Variants in REM2 observed in about 807,000 individuals in gnomAD.
REM2 encodes GTP-binding protein REM 2.
A neutral mutation model predicts 24.4 loss-of-function variants in REM2; 24 were observed. The ratio of observed to expected loss-of-function variants is 0.98; its 90% CI spans 0.71 to 1.38. REM2 has a LOEUF of 1.38. Ranked by LOEUF, REM2 falls within the 40% of genes most tolerant of loss-of-function variation. REM2 has a pLI of 0.00. For synonymous variants in REM2, 187 were observed against 198.0 expected (o/e 0.94, Z 0.47); for missense variants, 429 against 467.8 (o/e 0.92, Z 0.77).
In REM2 at chr14:22,886,541, G is replaced by A. The variant is rs2040130281; in HGVS notation, c.728-73G>A. On this transcript the variant is annotated intron_variant, in intron 4 of 4. Transcript: ENST00000267396. This position sits in a 1 kb window ranked among gnomAD's most constrained non-coding sequence, Gnocchi z 5.9. ...CAATCCCTTGCCACCGCACGCCCAG[G>A]CCCTCCCTAGACCCACCCTCGCCCC... 2 of 1,350,026 alleles carry A rather than the reference G, an allele frequency of 1.5e-6. No individual in the cohort carries two copies. Among genetic ancestry groups the A allele is most frequent in the Non-Finnish European group, 2.0e-6 (2 of 1,018,042 alleles). 83.6% of individuals were successfully genotyped at this position (1,350,026 alleles called of 1,614,324 possible).
In REM2 at chr14:22,887,203, A is replaced by G. The variant is rs1293386192; in HGVS notation, c.*294A>G. 2 of 349,152 alleles carry G rather than the reference A, an allele frequency of 5.7e-6. No homozygotes were observed. Among genetic ancestry groups the G allele is most frequent in the Admixed American group, 9.4e-5 (2 of 21,216 alleles). 21.6% of individuals were successfully genotyped at this position (349,152 alleles called of 1,614,324 possible). A position where few individuals can be genotyped will look rare whatever the true frequency, so the allele number is the denominator to read the frequency against. On this transcript the variant is annotated 3_prime_UTR_variant, in exon 5 of 5. Transcript: ENST00000267396. ...GGGTTCTGCTGGGTCGGGAAGAAAAATAATTCTGCAAGGTATTTTGTTTTT... is the reference window on the plus strand; with the variant it reads ...GGGTTCTGCTGGGTCGGGAAGAAAAGTAATTCTGCAAGGTATTTTGTTTTT...
At chr14:22,885,923 G>C in intron 3 of REM2, 101 bp from the exon 4 acceptor site, 1 of 903,400 alleles carries the variant, frequency 1.1e-6, no homozygotes, top group Non-Finnish European at 1.8e-6. Context: ...TAAGCAGGTG[G>C]CTTCTTTCTG....
chr14:22,886,339 G>T lies in REM2; in HGVS notation c.727+108G>T. ...TTTACCATCGCGGACGCACTCACTT[G>T]CAATCAGACCCAGGCTAGGGGGACA... is the stretch of plus-strand genomic sequence containing the variant. On this transcript the variant is annotated intron_variant, in intron 4 of 4. Coordinates refer to ENST00000267396, the MANE Select transcript of REM2 (RefSeq NM_173527.3). This position sits in a 1 kb window ranked among gnomAD's most constrained non-coding sequence, Gnocchi z 5.9. The T allele has an allele frequency of 9.7e-7, 1 of 1,033,576 alleles. No individual in the cohort carries two copies. Among genetic ancestry groups the T allele is most frequent in the Admixed American group, 2.0e-5 (1 of 49,112 alleles). The allele number at this position is 1,033,576 out of a possible 1,614,324, so 64.0% of individuals were successfully genotyped here. A position where few individuals can be genotyped will look rare whatever the true frequency, so the allele number is the denominator to read the frequency against.
rs983779147 is a variant in REM2, at chr14:22,886,398, C to T, written c.727+167C>T. The T allele has an allele frequency of 1.3e-6, 1 of 756,928 alleles. No individual in the cohort carries two copies. Among genetic ancestry groups the T allele is most frequent in the African/African-American group, 1.7e-5 (1 of 57,448 alleles). The allele number at this position is 756,928 out of a possible 1,614,324, so 46.9% of individuals were successfully genotyped here. On this transcript the variant is annotated intron_variant, in intron 4 of 4. Transcript: ENST00000267396. The surrounding 1 kb of genome is among the most constrained non-coding windows in gnomAD (Gnocchi z 5.9). ...GCCCCACTCGAGGATCCTGAGAATCCCTTCTTGTCACTTCCCCTCACCTCT... is the reference window on the plus strand; with the variant it reads ...GCCCCACTCGAGGATCCTGAGAATCTCTTCTTGTCACTTCCCCTCACCTCT...
rs1472572941 is a variant in REM2, at chr14:22,886,733, C to G, written c.847C>G (p.Arg283Gly). 6.5e-7 allele frequency: 1 copy of G among 1,527,338 alleles called. No homozygotes were observed. Among genetic ancestry groups the G allele is most frequent in the Non-Finnish European group, 8.8e-7 (1 of 1,137,746 alleles). The allele number at this position is 1,527,338 out of a possible 1,614,324, so 94.6% of individuals were successfully genotyped here. A position where few individuals can be genotyped will look rare whatever the true frequency, so the allele number is the denominator to read the frequency against. The stretch of plus-strand genomic sequence containing the variant: ...GCGCCAGATCCGGCTGCGGCGGGGC[C>G]GAAACCACGCCGGAGGCCAGAGGCC... ...AVRQIRLRRG[R>G]NHAGGQRPDP... Residue 283 changes from arginine to glycine, a missense_variant, in exon 5 of 5, where the codon CGA becomes GGA. Transcript: ENST00000267396. The surrounding 1 kb of genome is among the most constrained non-coding windows in gnomAD (Gnocchi z 5.9).
intron 2 of REM2, 50 bp downstream of exon 2, chr14:22,885,065 AG>A: frequency 1.3e-6 from 2 of 1,504,812 alleles, no homozygotes; most frequent in African/African-American, 1.4e-5. Context: ...GGCCCTGGTC[AG>A]GGAAGGAAGT....
rs1172779983 is a variant in REM2, at chr14:22,886,045, C to T, written c.541C>T (p.Arg181Trp). 2 of 1,613,858 alleles carry T rather than the reference C, an allele frequency of 1.2e-6. No homozygotes were observed. Among genetic ancestry groups the T allele is most frequent in the Non-Finnish European group, 1.7e-6 (2 of 1,179,810 alleles). ...WEQGDAGGWL[R>W]DHCLQTGDAF... ...GCAGGGGGATGCAGGAGGGTGGCTG[C>T]GGGACCACTGCCTTCAGACCGGGGA... The change falls in exon 4 of 5, where the codon CGG becomes TGG. Residue 181 changes from arginine (R) to tryptophan (W), a missense_variant. Transcript: ENST00000267396. The surrounding 1 kb of genome is among the most constrained non-coding windows in gnomAD (Gnocchi z 5.9).
rs374573401 is a variant in REM2, at chr14:22,883,360, C to T, written c.73C>T (p.Arg25Trp). Residue 25 changes from arginine to tryptophan, a missense_variant, in exon 1 of 5, where the codon CGG becomes TGG. Transcript: ENST00000267396. ...TTALCPSGSRRASPPGTPTPE... is the reference protein window; with the variant it reads ...TTALCPSGSRWASPPGTPTPE... ...AGCACTCTGCCCCTCTGGCAGCCGC[C>T]GGGCCTCCCCTCCAGGGACGCCCAC... 9.0e-6 allele frequency: 14 copies of T among 1,556,930 alleles called. No homozygotes were observed. The highest frequency in any genetic ancestry group is 4.8e-5 in the East Asian group (2 of 41,244).
rs778730079 is a variant in REM2, at chr14:22,886,003, C to T, written c.520-21C>T. The T allele has an allele frequency of 7.5e-6, 12 of 1,602,774 alleles. No individual in the cohort carries two copies. Among genetic ancestry groups the T allele is most frequent in the South Asian group, 5.5e-5 (5 of 90,808 alleles). On this transcript the variant is annotated intron_variant, in intron 3 of 4. Transcript: ENST00000267396. This position sits in a 1 kb window ranked among gnomAD's most constrained non-coding sequence, Gnocchi z 5.9. ...GGATCTCCTATGCCTCCAGCCCTAACGTTCCTCTGCCTGTCTGCAGGGGGA... is the reference window on the plus strand; with the variant it reads ...GGATCTCCTATGCCTCCAGCCCTAATGTTCCTCTGCCTGTCTGCAGGGGGA...
chr14:22,884,552 T>C lies in REM2; in HGVS notation c.104-122T>C, dbSNP rs1401294927. On this transcript the variant is annotated intron_variant, in intron 1 of 4. Transcript: ENST00000267396. ...GACATTCTCAGTTCCTTCTGGGTAA[T>C]GGTCATCAAGTGGGTGTAGCTGGGC... 2.9e-5 allele frequency: 42 copies of C among 1,445,778 alleles called. 1 individual carries two copies. Among genetic ancestry groups the C allele is most frequent in the Middle Eastern group, 3.7e-4 (2 of 5,426 alleles). 89.6% of individuals were successfully genotyped at this position (1,445,778 alleles called of 1,614,324 possible). A position where few individuals can be genotyped will look rare whatever the true frequency, so the allele number is the denominator to read the frequency against.
Position 22,886,112 on chromosome 14 carries a change from T to C in REM2, c.608T>C (p.Phe203Ser), listed in dbSNP as rs1275676703. Residue 203 changes from phenylalanine (F) to serine (S), a missense_variant, in exon 4 of 5, where the codon TTC becomes TCC. Physicochemically the swap from Phe to Ser is radical, Grantham distance 155. Coordinates refer to ENST00000267396, the MANE Select transcript of REM2 (RefSeq NM_173527.3). The surrounding 1 kb of genome is among the most constrained non-coding windows in gnomAD (Gnocchi z 5.9). ...IVFSVTDRRS[F>S]SKVPETLLRL... Reference sequence around the variant, plus strand: ...TTCTCAGTCACCGACCGACGGAGTTTCTCCAAAGTTCCAGAGACCCTACTT... The same window carrying C: ...TTCTCAGTCACCGACCGACGGAGTTCCTCCAAAGTTCCAGAGACCCTACTT... 1.2e-6 allele frequency: 2 copies of C among 1,613,778 alleles called. No homozygotes were observed. Among genetic ancestry groups the C allele is most frequent in the African/African-American group, 2.7e-5 (2 of 74,872 alleles).
At chr14:22,884,264 A>T (rs2040098644) in intron 1 of REM2, 1 of 985,348 alleles carries the variant, frequency 1.0e-6, no homozygotes, top group African/African-American at 1.7e-5. Flanking sequence ...AGTGCTGGAA[A>T]CAGGAGGAGG....
rs1315264276 is a variant in REM2, at chr14:22,887,534, TC to T, written c.*629del. 6.6e-6 allele frequency: 1 copy of T among 152,192 alleles called. No individual in the cohort carries two copies. The highest frequency in any genetic ancestry group is 2.4e-5 in the African/African-American group (1 of 41,448). 9.4% of individuals were successfully genotyped at this position (152,192 alleles called of 1,614,324 possible). A position where few individuals can be genotyped will look rare whatever the true frequency, so the allele number is the denominator to read the frequency against. ...TGACTTACCAGTCCACCACGGCACT[TC>T]CCCTTTAAGGTTATTAAAGGTAAGG... On this transcript the variant is annotated 3_prime_UTR_variant, in exon 5 of 5. Transcript: ENST00000267396.
intron 3 of REM2, among the ~76,000 whole-genome samples, chr14:22,885,816 T>C (rs1306701114): frequency 6.6e-6 from 1 of 152,234 alleles, no homozygotes; most frequent in East Asian, 1.9e-4. Context: ...GAAATTAGGA[T>C]GGCTACCCTA....
rs771397112 is a variant in REM2, at chr14:22,886,158, G to A, written c.654G>A (p.Pro218=). The change falls in exon 4 of 5, where the codon CCG becomes CCA. Residue 218 remains proline, a synonymous_variant. Transcript: ENST00000267396. The surrounding 1 kb of genome is among the most constrained non-coding windows in gnomAD (Gnocchi z 5.9). ...ETLLRLRAGR[P]HHDLPVILVG... ...TACTTCGGCTCCGGGCTGGGAGGCC[G>A]CACCACGACCTACCCGTTATCCTCG... is the stretch of plus-strand genomic sequence containing the variant. The A allele has an allele frequency of 7.4e-6, 12 of 1,613,784 alleles. No homozygotes were observed. The highest frequency in any genetic ancestry group is 2.2e-5 in the East Asian group (1 of 44,896).
At chr14:22,884,568 G>A (rs1157001079) in intron 1 of REM2, 106 bp from the exon 2 acceptor site, 2 of 1,456,118 alleles carry the variant, frequency 1.4e-6, no homozygotes, top group African/African-American at 1.4e-5. Context: ...TCAAGTGGGT[G>A]TAGCTGGGCC....
chr14:22,886,891 C>A lies in REM2; in HGVS notation c.1005C>A (p.His335Gln). 6.6e-7 allele frequency: 1 copy of A among 1,523,468 alleles called. No homozygotes were observed. Among genetic ancestry groups the A allele is most frequent in the Non-Finnish European group, 8.8e-7 (1 of 1,134,738 alleles). 94.4% of individuals were successfully genotyped at this position (1,523,468 alleles called of 1,614,324 possible). A position where few individuals can be genotyped will look rare whatever the true frequency, so the allele number is the denominator to read the frequency against. ...KFFKQRSRSC[H>Q]DLSVL is the part of the protein sequence containing the mutation. ...TCAAGCAGCGCTCCAGGTCGTGTCA[C>A]GACCTCTCGGTGCTCTGAGCCGCGG... The change falls in exon 5 of 5, where the codon CAC (histidine) becomes CAA (glutamine). Residue 335 changes from histidine (H) to glutamine (Q), a missense_variant. Transcript: ENST00000267396. The surrounding 1 kb of genome is among the most constrained non-coding windows in gnomAD (Gnocchi z 5.9).
rs895620797 is a variant in REM2, at chr14:22,887,062, G to C, written c.*153G>C. On this transcript the variant is annotated 3_prime_UTR_variant, in exon 5 of 5. Transcript: ENST00000267396. ...TGCCCCGGTGTGACCGCCGGGGGCG[G>C]CCCGGGGCCGCTCGGCGGCACCTCC... 2.4e-5 allele frequency: 14 copies of C among 594,428 alleles called. No individual in the cohort carries two copies. The African/African-American group carries it at 2.5e-4, about 11-fold the overall frequency. The allele number at this position is 594,428 out of a possible 1,614,324, so 36.8% of individuals were successfully genotyped here.
In REM2 at chr14:22,887,641, C is replaced by T. The variant is rs2040143860; in HGVS notation, c.*732C>T. The T allele has an allele frequency of 6.6e-6, 1 of 152,220 alleles. No homozygotes were observed. Among genetic ancestry groups the T allele is most frequent in the African/African-American group, 2.4e-5 (1 of 41,460 alleles). The allele number at this position is 152,220 out of a possible 1,614,324, so 9.4% of individuals were successfully genotyped here. ...GGCCAGGGGGGCACCAGCAAGGGGC[C>T]ACCCTTTCCCTTTTCAATAAATAAT... On this transcript the variant is annotated 3_prime_UTR_variant, in exon 5 of 5. Coordinates refer to ENST00000267396, the MANE Select transcript of REM2 (RefSeq NM_173527.3).
Sources: allele counts gnomAD v4.1 joint callset (sites outside exome capture counted in the v4.1 genomes callset), GRCh38; gene constraint gnomAD v4.1.1; non-coding constraint Gnocchi (gnomAD v3.1); transcripts MANE v1.5; gene names NCBI Gene and HGNC (gene_info 2026-07-23, HGNC 2026-07-21).